ESR1: variants seen among roughly 807,000 people sequenced by gnomAD.
ESR1 encodes the protein estrogen receptor 1.
In ESR1, 12 loss-of-function variants were observed where a neutral mutation model predicts 52.7. The observed-to-expected ratio is 0.23, with a 90% confidence interval of 0.15 to 0.37. The LOEUF (loss-of-function observed/expected upper bound fraction) is 0.37. Among genes scored for constraint, ESR1 ranks in the 10% least tolerant of loss-of-function variants. The probability of loss-of-function intolerance (pLI) is 1.00; values close to 1 mark genes in which losing one functional copy is unlikely to be tolerated. For missense variants in ESR1, 584 were observed against 779.7 expected (o/e 0.75, Z 2.99); for synonymous variants, 305 against 316.8 (o/e 0.96, Z 0.39).
Position 152,094,292 on chromosome 6 carries a change from A to G in ESR1, c.1370-93A>G. 2 of 1,043,520 alleles carry G rather than the reference A, an allele frequency of 1.9e-6. No individual in the cohort carries two copies. Among genetic ancestry groups the G allele is most frequent in the Non-Finnish European group, 3.0e-6 (2 of 661,270 alleles). The allele number at this position is 1,043,520 out of a possible 1,614,324, so 64.6% of individuals were successfully genotyped here. A position where few individuals can be genotyped will look rare whatever the true frequency, so the allele number is the denominator to read the frequency against. ...CTAGACTACTGTGCTGAGGAAGGGCACTGGCTCATTGTTACATCCCATGAA... is the reference window on the plus strand; with the variant it reads ...CTAGACTACTGTGCTGAGGAAGGGCGCTGGCTCATTGTTACATCCCATGAA... On this transcript the variant is annotated intron_variant, in intron 6 of 7. Coordinates refer to ENST00000206249, the MANE Select transcript of ESR1 (RefSeq NM_000125.4). The surrounding 1 kb of genome is among the most constrained non-coding windows in gnomAD (Gnocchi z 4.6).
chr6:151,795,929 A>G (rs963595218), intron 2 of ESR1, among the ~76,000 whole-genome samples: 8 of 151,982 alleles, frequency 5.3e-5, no homozygotes, highest in Admixed American at 2.0e-4. Flanking sequence ...TGGGCGGATC[A>G]TGAGGTCAGG....
chr6:151,714,498 T>C (rs1417287369), intron 2 of ESR1, among the ~76,000 whole-genome samples: 1 of 152,192 alleles, frequency 6.6e-6, no homozygotes, highest in Non-Finnish European at 1.5e-5. Context: ...TCTAAGAACT[T>C]GCTTTATGAA....
At chr6:151,847,296 A>G (rs976182031) in intron 2 of ESR1, among the ~76,000 whole-genome samples, 5 of 152,212 alleles carry the variant, frequency 3.3e-5, no homozygotes, top group Non-Finnish European at 7.3e-5. Flanking sequence ...GCCGGTAAGC[A>G]GGCACTTATT....
chr6:151,888,296 T>C (rs60683882), intron 3 of ESR1, among the ~76,000 whole-genome samples: 309 of 152,342 alleles, frequency 2.0e-3, no homozygotes, highest in African/African-American at 7.1e-3. Flanking sequence ...TTCCAGTCTA[T>C]GTATGGTATA....
At chr6:152,033,767 C>T (rs2044982130) in intron 5 of ESR1, among the ~76,000 whole-genome samples, 1 of 152,074 alleles carries the variant, frequency 6.6e-6, no homozygotes, top group Non-Finnish European at 1.5e-5. Flanking sequence ...CTAGAAATAC[C>T]ATTTGACCCA....
chr6:151,797,810 A>G (rs370373177), intron 2 of ESR1, among the ~76,000 whole-genome samples: 2 of 152,230 alleles, frequency 1.3e-5, no homozygotes, highest in East Asian at 1.9e-4. Context: ...GGAGCAGAAT[A>G]TGCTTTGCAT....
chr6:151,972,973 G>A (rs1445009622), intron 4 of ESR1, among the ~76,000 whole-genome samples: 2 of 152,212 alleles, frequency 1.3e-5, no homozygotes, highest in African/African-American at 4.8e-5. Flanking sequence ...AACCAGTCTA[G>A]TCTTTCCATG....
intron 5 of ESR1, among the ~76,000 whole-genome samples, chr6:152,025,664 T>A (rs1269371371): frequency 6.6e-6 from 1 of 151,988 alleles, no homozygotes; most frequent in Non-Finnish European, 1.5e-5. Context: ...TTTGTTGATT[T>A]TTTTCCTCAA....
At chr6:152,050,015 C>G (rs983722049) in intron 5 of ESR1, among the ~76,000 whole-genome samples, 2 of 152,326 alleles carry the variant, frequency 1.3e-5, no homozygotes, top group South Asian at 4.1e-4. Flanking sequence ...TTTGTCCCCC[C>G]ATTTCACTGG....
intron 1 of ESR1, among the ~76,000 whole-genome samples, chr6:151,667,018 T>G (rs1274742903): frequency 3.3e-5 from 5 of 151,896 alleles, no homozygotes; most frequent in African/African-American, 1.2e-4. Context: ...CAAATTAGAG[T>G]TAGAAGAGGA....
chr6:151,679,677 C>T (rs996812279), intron 1 of ESR1, among the ~76,000 whole-genome samples: 3 of 152,188 alleles, frequency 2.0e-5, no homozygotes, highest in Admixed American at 6.5e-5. Context: ...TGAGGCCCCA[C>T]ACACCTTAGC....
chr6:151,765,605 A>T (rs934934773), intron 2 of ESR1, among the ~76,000 whole-genome samples: 1 of 152,162 alleles, frequency 6.6e-6, no homozygotes, highest in Non-Finnish European at 1.5e-5. Context: ...TTTTTAAAGC[A>T]TTAGTTCCAT....
intron 5 of ESR1, among the ~76,000 whole-genome samples, chr6:152,018,456 T>A (rs1042512334): frequency 9.9e-5 from 15 of 151,486 alleles, no homozygotes; most frequent in African/African-American, 3.6e-4. Context: ...TGAAATGAGT[T>A]GAATTCATCC....
At chr6:152,114,620 G>A (rs2051184532) in intron 6 of ESR1, among the ~76,000 whole-genome samples, 1 of 151,972 alleles carries the variant, frequency 6.6e-6, no homozygotes, top group African/African-American at 2.4e-5. Flanking sequence ...GGCCGGGCGC[G>A]GTGGCTCACG....
At chr6:151,915,847 T>TTCTC (rs10549103) in intron 3 of ESR1, among the ~76,000 whole-genome samples, 4,158 of 149,074 alleles carry the variant, frequency 0.028, 181 homozygotes, top group African/African-American at 0.096. Context: ...CTTTCTCTCT[T>TTCTC]TCTCTCTCTC....
At chr6:151,669,175 A>AGAGC (rs1777949060) in intron 1 of ESR1, among the ~76,000 whole-genome samples, 1 of 111,712 alleles carries the variant, frequency 9.0e-6, no homozygotes, top group Non-Finnish European at 1.9e-5. Context: ...AGAGAGAGAG[A>AGAGC]GAGAGAGAGA....
At chr6:151,715,332 G>A (rs1190813395) in intron 2 of ESR1, among the ~76,000 whole-genome samples, 4 of 152,054 alleles carry the variant, frequency 2.6e-5, no homozygotes, top group Admixed American at 6.6e-5. Flanking sequence ...TGCTCTTCTC[G>A]AGAGTATCTT....
chr6:151,937,768 A>G (rs2034541441), intron 3 of ESR1, among the ~76,000 whole-genome samples: 1 of 152,196 alleles, frequency 6.6e-6, no homozygotes, highest in Non-Finnish European at 1.5e-5. Flanking sequence ...CATCTTACCA[A>G]TGCTTTACAG....
chr6:152,015,441 AC>A (rs2043098499), intron 5 of ESR1, among the ~76,000 whole-genome samples: 5 of 152,002 alleles, frequency 3.3e-5, no homozygotes, highest in Admixed American at 3.3e-4. Flanking sequence ...TTCTCATTCC[AC>A]CATATTAGTT....
Sources: gnomAD v4.1 joint callset for allele counts (sites outside exome capture counted in the v4.1 genomes callset) on GRCh38, gnomAD v4.1.1 for gene constraint, Gnocchi (gnomAD v3.1) non-coding constraint, MANE v1.5 for transcripts, NCBI Gene and HGNC (gene_info 2026-07-23, HGNC 2026-07-21) for gene names.